The following NT5DC1 variants were observed in gnomAD, a reference collection of about 807,000 sequenced individuals.
NT5DC1 encodes the protein 5'-nucleotidase domain-containing protein 1.
Under a neutral mutation model 59.4 loss-of-function variants are expected in NT5DC1, and 42 were observed. The observed-to-expected ratio is 0.71, with a 90% CI of 0.55 to 0.92. The LOEUF (loss-of-function observed/expected upper bound fraction) is 0.92, where lower values mean the gene tolerates loss of function less well. Among genes scored for constraint, NT5DC1 ranks in the 40% least tolerant of loss-of-function variants. The pLI, the probability that NT5DC1 is intolerant of heterozygous loss-of-function variation, is 0.00. For synonymous variants in NT5DC1, 172 were observed against 188.1 expected (o/e 0.91, Z 0.70); for missense variants, 501 against 537.1 (o/e 0.93, Z 0.66).
intron 6 of NT5DC1, chr6:116,118,883 A>G (rs545780240): frequency 1.2e-4 from 19 of 152,370 alleles, no homozygotes; most frequent in African/African-American, 4.6e-4. Context: ...TGCATCACCA[A>G]TATAGGGACA....
chr6:116,133,990 A>G (rs1258840286), intron 6 of NT5DC1, among the ~76,000 whole-genome samples: 3 of 152,216 alleles, frequency 2.0e-5, no homozygotes, highest in African/African-American at 7.2e-5. Context: ...TTATGAGTCA[A>G]AAATAACTCT....
chr6:116,149,503 G>A (rs1779982004), intron 6 of NT5DC1, among the ~76,000 whole-genome samples: 1 of 152,174 alleles, frequency 6.6e-6, no homozygotes, highest in South Asian at 2.1e-4. Flanking sequence ...TAAGTAACTT[G>A]AGTCTGAGAC....
Position 116,119,240 on chromosome 6 carries a change from A to G in NT5DC1, c.529+1295A>G, listed in dbSNP as rs186945460. 2.4e-3 allele frequency: 370 copies of G among 152,794 alleles called. 5 individuals are homozygous for G. Among genetic ancestry groups the G allele is most frequent in the African/African-American group, 8.3e-3 (345 of 41,592 alleles). The allele number at this position is 152,794 out of a possible 1,614,324, so 9.5% of individuals were successfully genotyped here. ...TGGGAGGCACAAGGTACATGTGCTAATGTTCTGTAAATCCAGAAAATCATA... is the reference window on the plus strand; with the variant it reads ...TGGGAGGCACAAGGTACATGTGCTAGTGTTCTGTAAATCCAGAAAATCATA... On this transcript the variant is annotated intron_variant, in intron 6 of 11. Transcript: ENST00000319550.
At chr6:116,202,416 C>CA (rs1781368286) in intron 6 of NT5DC1, among the ~76,000 whole-genome samples, 2 of 152,126 alleles carry the variant, frequency 1.3e-5, no homozygotes, top group African/African-American at 4.8e-5. Flanking sequence ...TTTTGTTCGC[C>CA]ATACTCTTTT....
intron 6 of NT5DC1, among the ~76,000 whole-genome samples, chr6:116,212,797 A>G (rs1208639959): frequency 6.6e-6 from 1 of 152,128 alleles, no homozygotes; most frequent in Non-Finnish European, 1.5e-5. Flanking sequence ...AGCATTTCAT[A>G]TTTGAACTAG....
chr6:116,160,495 A>T (rs955096262), intron 6 of NT5DC1, among the ~76,000 whole-genome samples: 11 of 151,888 alleles, frequency 7.2e-5, no homozygotes, highest in African/African-American at 2.7e-4. Context: ...GATTTGTTTA[A>T]CTTCTTTACA....
chr6:116,226,037 G>T (rs927118627), intron 8 of NT5DC1, among the ~76,000 whole-genome samples: 1 of 152,174 alleles, frequency 6.6e-6, no homozygotes, highest in Non-Finnish European at 1.5e-5. Context: ...TAGTGCCAAG[G>T]CTAAGAAACC....
intron 6 of NT5DC1, among the ~76,000 whole-genome samples, chr6:116,158,170 A>C (rs1233454440): frequency 6.6e-6 from 1 of 152,164 alleles, no homozygotes; most frequent in South Asian, 2.1e-4. Flanking sequence ...ATAAATCTAC[A>C]TTGACAATAC....
At chr6:116,210,411 T>A (rs1338855233) in intron 6 of NT5DC1, among the ~76,000 whole-genome samples, 1 of 151,372 alleles carries the variant, frequency 6.6e-6, no homozygotes, top group Non-Finnish European at 1.5e-5. Context: ...GTAGTTACCA[T>A]AGAGTCCCCA....
chr6:116,203,577 G>A (rs1165168861), intron 6 of NT5DC1, among the ~76,000 whole-genome samples: 2 of 147,334 alleles, frequency 1.4e-5, no homozygotes, highest in African/African-American at 2.4e-5. Flanking sequence ...TGTACAATAT[G>A]CCATTATATT....
At chr6:116,220,099 T>C (rs1287722466) in intron 6 of NT5DC1, among the ~76,000 whole-genome samples, 1 of 143,950 alleles carries the variant, frequency 6.9e-6, no homozygotes, top group African/African-American at 2.6e-5. Flanking sequence ...GCAGACTCTA[T>C]CATTCAGTAC....
intron 6 of NT5DC1, among the ~76,000 whole-genome samples, chr6:116,122,316 G>A (rs1466860445): frequency 6.6e-6 from 1 of 152,084 alleles, no homozygotes; most frequent in Non-Finnish European, 1.5e-5. Context: ...AGACAGTGCA[G>A]AATAAGTGAG....
intron 6 of NT5DC1, among the ~76,000 whole-genome samples, chr6:116,159,007 C>G (rs559183557): frequency 1.3e-4 from 20 of 152,204 alleles, no homozygotes; most frequent in African/African-American, 4.3e-4. Context: ...TAGAATAGCT[C>G]AAATACAAGT....
chr6:116,103,596 A>G (rs1778706212), intron 1 of NT5DC1, among the ~76,000 whole-genome samples: 2 of 152,102 alleles, frequency 1.3e-5, no homozygotes. Context: ...GCTGGGTGCA[A>G]GCAAAAGGTG....
chr6:116,120,428 G>A, intron 6 of NT5DC1: 1 of 1,614,244 alleles, frequency 6.2e-7, no homozygotes, highest in East Asian at 2.2e-5. Context: ...TCCTATTGCT[G>A]GGTAAGCTTT....
chr6:116,249,362 T>C lies in NT5DC1; in HGVS notation c.*5338T>C, dbSNP rs1228961344. 1 of 152,246 alleles carries C rather than the reference T, an allele frequency of 6.6e-6. No homozygotes were observed. 9.4% of individuals were successfully genotyped at this position (152,246 alleles called of 1,614,324 possible). ...ATGGCTACAAATACTTAGCAATTCATTTTCATAGATTTTGTAGCATCCACA... is the reference window on the plus strand; with the variant it reads ...ATGGCTACAAATACTTAGCAATTCACTTTCATAGATTTTGTAGCATCCACA... On this transcript the variant is annotated 3_prime_UTR_variant, in exon 12 of 12. Coordinates refer to ENST00000319550, the MANE Select transcript of NT5DC1 (RefSeq NM_152729.3).
chr6:116,126,360 T>C (rs1453896553), intron 6 of NT5DC1, among the ~76,000 whole-genome samples: 2 of 152,160 alleles, frequency 1.3e-5, no homozygotes, highest in African/African-American at 2.4e-5. Context: ...AGGACCGTCT[T>C]TGTCTGTGAT....
chr6:116,211,950 G>A (rs892216829), intron 6 of NT5DC1, among the ~76,000 whole-genome samples: 1 of 151,938 alleles, frequency 6.6e-6, no homozygotes, highest in South Asian at 2.1e-4. Context: ...TTTCATTCAC[G>A]CAGTGAGGCC....
At chr6:116,230,813 G>A (rs1357095910) in intron 8 of NT5DC1, among the ~76,000 whole-genome samples, 1 of 152,140 alleles carries the variant, frequency 6.6e-6, no homozygotes, top group African/African-American at 2.4e-5. Flanking sequence ...CTTTGTCAGC[G>A]GATGTTAGTG....
Sources: gnomAD v4.1 joint callset for allele counts (sites outside exome capture counted in the v4.1 genomes callset) on GRCh38, gnomAD v4.1.1 for gene constraint, MANE v1.5 for transcripts, NCBI Gene and HGNC (gene_info 2026-07-23, HGNC 2026-07-21) for gene names.